Variants in AGO2 observed in about 807,000 individuals in gnomAD.
AGO2 encodes the protein protein argonaute-2.
A neutral mutation model predicts 102.3 loss-of-function variants in AGO2; 5 were observed. The ratio of observed to expected loss-of-function variants is 0.05; its 90% CI spans 0.03 to 0.10. AGO2 has a LOEUF of 0.10. Among genes scored for constraint, AGO2 ranks in the 10% least tolerant of loss-of-function variants. AGO2 has a pLI of 1.00. For synonymous variants in AGO2, 449 were observed against 473.1 expected (o/e 0.95, Z 0.66); for missense variants, 541 against 1,183.7 (o/e 0.46, Z 7.97).
intron 2 of AGO2, among the ~76,000 whole-genome samples, chr8:140,578,415 C>G (rs537682214): frequency 6.6e-6 from 1 of 152,328 alleles, no homozygotes; most frequent in Non-Finnish European, 1.5e-5. Flanking sequence ...TTTCACTTCC[C>G]CAAAGTGAAA....
At chr8:140,625,074 A>T (rs2074259421) in intron 1 of AGO2, among the ~76,000 whole-genome samples, 1 of 152,076 alleles carries the variant, frequency 6.6e-6, no homozygotes, top group Non-Finnish European at 1.5e-5. Context: ...GATCCTTTTA[A>T]AGACTAAGTC....
intron 1 of AGO2, among the ~76,000 whole-genome samples, chr8:140,634,963 C>T (rs2074386561): frequency 6.6e-6 from 1 of 151,946 alleles, no homozygotes; most frequent in African/African-American, 2.4e-5. Flanking sequence ...ACCGGCGCAG[C>T]CCCCTCCCCT....
chr8:140,584,868 C>T (rs186828888), intron 2 of AGO2, among the ~76,000 whole-genome samples: 132 of 152,156 alleles, frequency 8.7e-4, no homozygotes, highest in Non-Finnish European at 1.5e-3. Flanking sequence ...TCCAGTTGTG[C>T]ATTTACGATG....
chr8:140,533,251 T>C (rs183404129), intron 17 of AGO2, among the ~76,000 whole-genome samples: 63 of 151,326 alleles, frequency 4.2e-4, no homozygotes, highest in African/African-American at 1.5e-3. Flanking sequence ...TAGCCAGGCG[T>C]GGTGGCGGGC....
chr8:140,595,266 G>A (rs1564106316), intron 1 of AGO2, among the ~76,000 whole-genome samples: 1 of 152,038 alleles, frequency 6.6e-6, no homozygotes. Flanking sequence ...ACTTGTAAGT[G>A]GGAAAAAGCT....
At chr8:140,532,889 T>G (rs542997423) in intron 17 of AGO2, among the ~76,000 whole-genome samples, 34 of 151,914 alleles carry the variant, frequency 2.2e-4, no homozygotes, top group Non-Finnish European at 3.1e-4. Context: ...TCCCAGCTAC[T>G]TGGGAGACTG....
chr8:140,581,293 T>A lies in AGO2; in HGVS notation c.215+3826A>T, dbSNP rs557338986. On this transcript the variant is annotated intron_variant, in intron 2 of 18. Transcript: ENST00000220592. ...ACTTTGAGAGGCCAAGGCAGGCAGA[T>A]CACAAGACGCCAGGAGTTTGAGACC... Among the ~76,000 whole-genome samples, 393 of 152,242 alleles carry A rather than the reference T, an allele frequency of 2.6e-3. 1 individual carries two copies. The highest frequency in any genetic ancestry group is 4.8e-3 in the Non-Finnish European group (326 of 68,020).
chr8:140,613,201 A>G (rs960499971), intron 1 of AGO2, among the ~76,000 whole-genome samples: 2 of 152,148 alleles, frequency 1.3e-5, no homozygotes, highest in African/African-American at 2.4e-5. Context: ...CTCCGTCTCA[A>G]AAAACAACAG....
At chr8:140,538,320 C>G (rs2944772) in intron 16 of AGO2, among the ~76,000 whole-genome samples, 34,317 of 152,098 alleles carry the variant, frequency 0.23, 4,131 homozygotes, top group East Asian at 0.34. Flanking sequence ...CTCCCTTGAC[C>G]AGGTCAAGGT....
chr8:140,587,288 G>T (rs981298623), intron 1 of AGO2, among the ~76,000 whole-genome samples: 5 of 152,248 alleles, frequency 3.3e-5, no homozygotes, highest in Non-Finnish European at 2.9e-5. Flanking sequence ...TCCTAAGATA[G>T]TTCTTTCTTG....
chr8:140,534,985 T>G (rs1232897829), intron 17 of AGO2, among the ~76,000 whole-genome samples: 2 of 152,236 alleles, frequency 1.3e-5, no homozygotes, highest in African/African-American at 4.8e-5. Context: ...CCACCTTCTC[T>G]GAGCACCCAG....
chr8:140,630,743 C>T lies in AGO2; in HGVS notation c.22+4742G>A, dbSNP rs143073839. On this transcript the variant is annotated intron_variant, in intron 1 of 18. Coordinates refer to ENST00000220592, the MANE Select transcript of AGO2 (RefSeq NM_012154.5). The stretch of plus-strand genomic sequence containing the variant: ...TGCACAAGAGCCTCCAGTTATCTTC[C>T]GTATTTGCCATAGGTCATACAGTGT... Among the ~76,000 whole-genome samples the T allele has an allele frequency of 9.0e-4, 137 of 152,314 alleles. 1 individual carries two copies. The highest frequency in any genetic ancestry group is 2.9e-3 in the African/African-American group (120 of 41,556).
At chr8:140,552,249 G>A (rs1476759209) in intron 10 of AGO2, among the ~76,000 whole-genome samples, 9 of 152,228 alleles carry the variant, frequency 5.9e-5, no homozygotes, top group Non-Finnish European at 8.8e-5. Flanking sequence ...CAGCTGTGTC[G>A]GAAACGGGAG....
chr8:140,531,942 G>T lies in AGO2; in HGVS notation c.*102C>A. ...TCTAATAAAATCAATGACGTCTCAT[G>T]TTCGATGCTGGCTGTCACGGAAGGG... On this transcript the variant is annotated 3_prime_UTR_variant, in exon 19 of 19. Coordinates refer to ENST00000220592, the MANE Select transcript of AGO2 (RefSeq NM_012154.5). 1.0e-6 allele frequency: 1 copy of T among 982,724 alleles called. No individual in the cohort carries two copies. 60.9% of individuals were successfully genotyped at this position (982,724 alleles called of 1,614,324 possible). A position where few individuals can be genotyped will look rare whatever the true frequency, so the allele number is the denominator to read the frequency against.
chr8:140,534,858 T>A (rs1448574493), intron 17 of AGO2, among the ~76,000 whole-genome samples: 2 of 152,216 alleles, frequency 1.3e-5, no homozygotes, highest in African/African-American at 2.4e-5. Flanking sequence ...GGGCAGCTCC[T>A]ACCACGGACG....
Position 140,548,760 on chromosome 8 carries a change from CCGGGCAGGAGGTGACCCTGGTGCAA to C in AGO2, c.1588+329_1588+353del, listed in dbSNP as rs1158472814. 2.0e-5 allele frequency among the ~76,000 whole-genome samples: 3 copies of C among 152,202 alleles called. No homozygotes were observed. In the East Asian group the frequency reaches 5.8e-4, roughly 29 times the overall value. ...AGAGTGGTTACACATAGGCTGAGTC[CCGGGCAGGAGGTGACCCTGGTGCAA>C]CGCTCTGTGCGTTAAACAAACGTTC... On this transcript the variant is annotated intron_variant, in intron 12 of 18. Coordinates refer to ENST00000220592, the MANE Select transcript of AGO2 (RefSeq NM_012154.5).
intron 1 of AGO2, among the ~76,000 whole-genome samples, chr8:140,619,699 G>A (rs1317076805): frequency 4.6e-5 from 7 of 152,140 alleles, no homozygotes; most frequent in African/African-American, 1.7e-4. Flanking sequence ...GTCTCGCAGG[G>A]GTGCGGGCCG....
At chr8:140,594,082 C>T (rs1249154914) in intron 1 of AGO2, among the ~76,000 whole-genome samples, 2 of 152,184 alleles carry the variant, frequency 1.3e-5, no homozygotes, top group African/African-American at 4.8e-5. Flanking sequence ...TCACCCTACA[C>T]TGCCTGAGCA....
At chr8:140,553,921 C>T (rs1051146780) in intron 10 of AGO2, among the ~76,000 whole-genome samples, 3 of 152,176 alleles carry the variant, frequency 2.0e-5, no homozygotes, top group African/African-American at 7.2e-5. Flanking sequence ...AGGCTGGTCT[C>T]GAACTCCTGA....
Sources: allele counts gnomAD v4.1 joint callset (sites outside exome capture counted in the v4.1 genomes callset), GRCh38; gene constraint gnomAD v4.1.1; transcripts MANE v1.5; gene names NCBI Gene and HGNC (gene_info 2026-07-23, HGNC 2026-07-21).